Variants in SF3B1 observed in about 807,000 individuals in gnomAD.
SF3B1 encodes the protein pre-mRNA processing 10.
In SF3B1, 12 loss-of-function variants were observed where a neutral mutation model predicts 153.8. The ratio of observed to expected loss-of-function variants is 0.08; its 90% CI spans 0.05 to 0.13. The LOEUF (loss-of-function observed/expected upper bound fraction) is 0.13. SF3B1 is among the 10% of genes least tolerant of loss of function. The pLI is 1.00. For missense variants in SF3B1, 513 were observed against 1,606.1 expected (o/e 0.32, Z 11.63); for synonymous variants, 498 against 525.2 (o/e 0.95, Z 0.71).
intron 4 of SF3B1, chr2:197,418,822 A>G: frequency 1.3e-6 from 2 of 1,508,554 alleles, no homozygotes; most frequent in Non-Finnish European, 1.8e-6. Context: ...TAATGCATAT[A>G]AAAACAAAAT....
Position 197,400,630 on chromosome 2 carries a change from A to G in SF3B1, c.2718+85T>C, listed in dbSNP as rs2084928567. On this transcript the variant is annotated intron_variant, in intron 18 of 24. Coordinates refer to ENST00000335508, the MANE Select transcript of SF3B1 (RefSeq NM_012433.4). This position sits in a 1 kb window ranked among gnomAD's most constrained non-coding sequence, Gnocchi z 5.0. ...TAAAAATTACTTCAAATTCAATTGC[A>G]TTCTAGAAAAATTTGCTTGACAACT... The G allele has an allele frequency of 8.8e-7, 1 of 1,132,310 alleles. No individual in the cohort carries two copies. The highest frequency in any genetic ancestry group is 1.6e-5 in the African/African-American group (1 of 64,014). The allele number at this position is 1,132,310 out of a possible 1,614,324, so 70.1% of individuals were successfully genotyped here. A position where few individuals can be genotyped will look rare whatever the true frequency, so the allele number is the denominator to read the frequency against.
Position 197,416,580 on chromosome 2 carries a change from G to A in SF3B1, c.666+161C>T, listed in dbSNP as rs370607776. Reference sequence around the variant, plus strand: ...CAAACACCAACCCTGTTGGCACTCTGATCTTGGATTTCAAGCCTCCAGAAC... The same window carrying A: ...CAAACACCAACCCTGTTGGCACTCTAATCTTGGATTTCAAGCCTCCAGAAC... On this transcript the variant is annotated intron_variant, in intron 6 of 24. Coordinates refer to ENST00000335508, the MANE Select transcript of SF3B1 (RefSeq NM_012433.4). The A allele has an allele frequency of 1.7e-5, 10 of 590,576 alleles. No individual in the cohort carries two copies. In the African/African-American group the frequency reaches 1.9e-4, roughly 11 times the overall value. 36.6% of individuals were successfully genotyped at this position (590,576 alleles called of 1,614,324 possible).
intron 5 of SF3B1, 130 bp from the exon 6 acceptor site, chr2:197,417,041 CTTTCT>C: frequency 1.2e-6 from 1 of 859,402 alleles, no homozygotes; most frequent in Admixed American, 2.7e-5. Context: ...TGGTGATCTC[CTTTCT>C]ACGCTCGCTG....
intron 12 of SF3B1, among the ~76,000 whole-genome samples, 172 bp downstream of exon 12, chr2:197,403,413 C>T (rs1204494355): frequency 2.0e-5 from 3 of 152,108 alleles, no homozygotes; most frequent in African/African-American, 2.4e-5. Context: ...GAACCTCTTA[C>T]GGCAAAGATG....
chr2:197,392,004 CAATT>C lies in SF3B1; in HGVS notation c.*295_*298del, dbSNP rs1367491193. On this transcript the variant is annotated 3_prime_UTR_variant, in exon 25 of 25. Transcript: ENST00000335508. ...ATTTTGTACACAAATGTTTATTTCT[CAATT>C]AAACATTCCCTTTAAACACAAGGAA... The C allele has an allele frequency of 1.7e-5, 4 of 237,544 alleles. No homozygotes were observed. Among genetic ancestry groups the C allele is most frequent in the East Asian group, 1.3e-4 (2 of 15,544 alleles). The allele number at this position is 237,544 out of a possible 1,614,324, so 14.7% of individuals were successfully genotyped here. A position where few individuals can be genotyped will look rare whatever the true frequency, so the allele number is the denominator to read the frequency against.
rs115804113 is a variant in SF3B1 at position 197,402,207 on chromosome 2, A to G, written c.2078-77T>C. ...ACAATATCATCCAGATTCTCTCAAT[A>G]TATCAACTATTCAGCCAAACTGCAG... is the stretch of plus-strand genomic sequence containing the variant. On this transcript the variant is annotated intron_variant, in intron 14 of 24. Coordinates refer to ENST00000335508, the MANE Select transcript of SF3B1 (RefSeq NM_012433.4). This position sits in a 1 kb window ranked among gnomAD's most constrained non-coding sequence, Gnocchi z 4.6. 1,013 of 1,509,798 alleles carry G rather than the reference A, an allele frequency of 6.7e-4. 7 individuals are homozygous for G. In the African/African-American group the frequency reaches 0.012, roughly 18 times the overall value. 93.5% of individuals were successfully genotyped at this position (1,509,798 alleles called of 1,614,324 possible).
At chr2:197,405,980 C>T (rs1378483924) in intron 9 of SF3B1, among the ~76,000 whole-genome samples, 1 of 151,634 alleles carries the variant, frequency 6.6e-6, no homozygotes, top group Non-Finnish European at 1.5e-5. Flanking sequence ...AAACTAAAAC[C>T]AAAATGTTTG....
chr2:197,412,273 AC>A (rs2105999163), intron 6 of SF3B1, among the ~76,000 whole-genome samples: 1 of 152,192 alleles, frequency 6.6e-6, no homozygotes, highest in East Asian at 1.9e-4. Flanking sequence ...TGTAATTCCT[AC>A]AATTATGACT....
rs1003923462 is a variant in SF3B1 at position 197,390,492 on chromosome 2, G to A, written c.*1811C>T. The A allele has an allele frequency of 3.3e-5, 5 of 152,190 alleles. No homozygotes were observed. Among genetic ancestry groups the A allele is most frequent in the Non-Finnish European group, 5.9e-5 (4 of 68,036 alleles). The allele number at this position is 152,190 out of a possible 1,614,324, so 9.4% of individuals were successfully genotyped here. On this transcript the variant is annotated 3_prime_UTR_variant, in exon 25 of 25. Coordinates refer to ENST00000335508, the MANE Select transcript of SF3B1 (RefSeq NM_012433.4). Reference sequence around the variant, plus strand: ...CTAACAACAGAAAGATGAGTTTGGAGTGTTTAATTTTACTACATAGTGACA... The same window carrying A: ...CTAACAACAGAAAGATGAGTTTGGAATGTTTAATTTTACTACATAGTGACA...
intron 4 of SF3B1, chr2:197,419,110 T>C (rs2085200339): frequency 1.7e-6 from 1 of 593,498 alleles, no homozygotes; most frequent in Non-Finnish European, 3.0e-6. Context: ...GAAAATCTGA[T>C]TTTAAAAATA....
intron 1 of SF3B1, among the ~76,000 whole-genome samples, chr2:197,429,111 A>C (rs2085385130): frequency 6.6e-6 from 1 of 152,208 alleles, no homozygotes; most frequent in South Asian, 2.1e-4. Context: ...TTCAATTATG[A>C]CCAAAATGAA....
chr2:197,396,668 T>C (rs767969425), intron 22 of SF3B1, among the ~76,000 whole-genome samples: 5 of 152,198 alleles, frequency 3.3e-5, no homozygotes, highest in Non-Finnish European at 5.9e-5. Context: ...AAGTGAGTAA[T>C]TCTCTGAGTT....
rs757064775 is a variant in SF3B1 at position 197,419,811 on chromosome 2, AC to A, written c.415+616del. ...CAGAATCTAATTTTAAGAAACAGGC[AC>A]CTAATTTTGATTGTGAAACTCACTC... On this transcript the variant is annotated intron_variant, in intron 4 of 24. Coordinates refer to ENST00000335508, the MANE Select transcript of SF3B1 (RefSeq NM_012433.4). The A allele has an allele frequency of 9.8e-4, 222 of 225,870 alleles. 1 individual carries two copies. Among genetic ancestry groups the A allele is most frequent in the East Asian group, 2.6e-4 (4 of 15,588 alleles). 14.0% of individuals were successfully genotyped at this position (225,870 alleles called of 1,614,324 possible).
chr2:197,411,019 T>C (rs2085059795), intron 6 of SF3B1, among the ~76,000 whole-genome samples: 1 of 151,754 alleles, frequency 6.6e-6, no homozygotes, highest in Non-Finnish European at 1.5e-5. Context: ...CTCACTGCAG[T>C]CTCCACCTAC....
chr2:197,415,309 T>C (rs189018428), intron 6 of SF3B1, among the ~76,000 whole-genome samples: 179 of 151,954 alleles, frequency 1.2e-3, no homozygotes, highest in African/African-American at 3.7e-3. Context: ...CTGGAACACA[T>C]TGGCGTAATC....
At position 197,416,685 on chromosome 2, in the gene SF3B1, G is replaced by A. The variant is rs2085153118; in HGVS notation, c.666+56C>T. On this transcript the variant is annotated intron_variant, in intron 6 of 24. Coordinates refer to ENST00000335508, the MANE Select transcript of SF3B1 (RefSeq NM_012433.4). ...ATGGCAACCCAAGCAGACTAATACA[G>A]TCCATAACAGAAAAAAATTTTTTAA... The A allele has an allele frequency of 1.1e-5, 17 of 1,504,504 alleles. 1 individual carries two copies. The South Asian group carries it at 2.1e-4, about 18-fold the overall frequency. The allele number at this position is 1,504,504 out of a possible 1,614,324, so 93.2% of individuals were successfully genotyped here.
At chr2:197,414,167 G>A (rs569110111) in intron 6 of SF3B1, among the ~76,000 whole-genome samples, 2 of 152,194 alleles carry the variant, frequency 1.3e-5, no homozygotes, top group Non-Finnish European at 2.9e-5. Flanking sequence ...GGACTGAGAA[G>A]ACATGTATGC....
At chr2:197,398,312 A>C in intron 21 of SF3B1, 149 bp downstream of exon 21, 1 of 965,508 alleles carries the variant, frequency 1.0e-6, no homozygotes, top group Non-Finnish European at 1.6e-6. Context: ...TACCATCCAA[A>C]TTGAAATTTG....
At chr2:197,409,335 G>A (rs1404929847) in intron 7 of SF3B1, among the ~76,000 whole-genome samples, 3 of 152,270 alleles carry the variant, frequency 2.0e-5, no homozygotes, top group African/African-American at 4.8e-5. Context: ...GGGAGGTGGA[G>A]GTTGCAGTGA....
Sources: allele counts gnomAD v4.1 joint callset (sites outside exome capture counted in the v4.1 genomes callset), GRCh38; gene constraint gnomAD v4.1.1; non-coding constraint Gnocchi (gnomAD v3.1); transcripts MANE v1.5; gene names NCBI Gene and HGNC (gene_info 2026-07-23, HGNC 2026-07-21).